The following DERA variants were observed in gnomAD, a reference collection of about 807,000 sequenced individuals.
DERA encodes 2-deoxy-D-ribose 5-phosphate aldolase.
In DERA, 15 loss-of-function variants were observed where a neutral mutation model predicts 41.1. That is an observed-to-expected ratio of 0.37 (90% CI 0.24 to 0.56). The LOEUF (loss-of-function observed/expected upper bound fraction) is 0.56, where lower values mean the gene tolerates loss of function less well. DERA is among the 20% of genes least tolerant of loss of function. DERA has a pLI of 0.81. For synonymous variants in DERA, 139 were observed against 137.4 expected (o/e 1.01, Z -0.08); for missense variants, 396 against 403.4 (o/e 0.98, Z 0.16).
Position 15,921,562 on chromosome 12 carries a change from T to C in DERA, c.31+10148T>C, listed in dbSNP as rs537439458. On this transcript the variant is annotated intron_variant, in intron 1 of 8. Coordinates refer to ENST00000428559, the MANE Select transcript of DERA (RefSeq NM_015954.4). This position sits in a 1 kb window ranked among gnomAD's most constrained non-coding sequence, Gnocchi z 5.3. ...GGTGAAGGAGCTCAAGATCTGTATA[T>C]TGTGGTATTTTGAGGGAGATTATTT... is the stretch of plus-strand genomic sequence containing the variant. Among the ~76,000 whole-genome samples, 11 of 152,280 alleles carry C rather than the reference T, an allele frequency of 7.2e-5. No homozygotes were observed. The East Asian group carries it at 2.1e-3, about 29-fold the overall frequency.
At position 15,982,308 on chromosome 12, in the gene DERA, C is replaced by G. The variant is rs1948737634; in HGVS notation, c.509C>G (p.Ala170Gly). The G allele has an allele frequency of 6.2e-7, 1 of 1,612,026 alleles. No homozygotes were observed. Among genetic ancestry groups the G allele is most frequent in the Middle Eastern group, 1.7e-4 (1 of 6,054 alleles). ...CTGCCTCAATTATTTTCTTCCCCAG[C>G]CCTGTATGATGAGATTCGTCAGTTT... is the stretch of plus-strand genomic sequence containing the variant. ...RSLVLTGQWE[A>G]LYDEIRQFRK... Residue 170 changes from alanine to glycine, a missense_variant and splice_region_variant, in exon 6 of 9, where the codon GCC becomes GGC. Transcript: ENST00000428559. This position sits in a 1 kb window ranked among gnomAD's most constrained non-coding sequence, Gnocchi z 4.0.
At chr12:15,949,874 G>T (rs1428456685) in intron 1 of DERA, among the ~76,000 whole-genome samples, 1 of 152,104 alleles carries the variant, frequency 6.6e-6, no homozygotes, top group Non-Finnish European at 1.5e-5. Flanking sequence ...AAAAATGCCG[G>T]TTGCCACTGA....
chr12:16,021,343 G>A lies in DERA; in HGVS notation c.638-11199G>A, dbSNP rs527873009. Among the ~76,000 whole-genome samples the A allele has an allele frequency of 2.8e-4, 43 of 152,342 alleles. No individual in the cohort carries two copies. Among genetic ancestry groups the A allele is most frequent in the South Asian group, 2.1e-3 (10 of 4,828 alleles). On this transcript the variant is annotated intron_variant, in intron 6 of 8. Coordinates refer to ENST00000428559, the MANE Select transcript of DERA (RefSeq NM_015954.4). The surrounding 1 kb of genome is among the most constrained non-coding windows in gnomAD (Gnocchi z 5.3). ...GCTGCTGCTGTGGAGAGTACAAGTT[G>A]TAAGCCTTGCTGGTTTCTATGTGAT... is the stretch of plus-strand genomic sequence containing the variant.
At position 15,996,238 on chromosome 12, in the gene DERA, A is replaced by G. The variant is rs181150610; in HGVS notation, c.637+13802A>G. Reference sequence around the variant, plus strand: ...TCCAGTATACACAGGGCCCCAAAATATAGAAAACATGGGAAAAGAGGAGTG... The same window carrying G: ...TCCAGTATACACAGGGCCCCAAAATGTAGAAAACATGGGAAAAGAGGAGTG... On this transcript the variant is annotated intron_variant, in intron 6 of 8. Coordinates refer to ENST00000428559, the MANE Select transcript of DERA (RefSeq NM_015954.4). This position sits in a 1 kb window ranked among gnomAD's most constrained non-coding sequence, Gnocchi z 4.7. 2.6e-5 allele frequency among the ~76,000 whole-genome samples: 4 copies of G among 152,044 alleles called. No individual in the cohort carries two copies. The East Asian group carries it at 5.8e-4, about 22-fold the overall frequency.
rs142144322 is a variant in DERA, at chr12:16,013,861, T to C, written c.638-18681T>C. On this transcript the variant is annotated intron_variant, in intron 6 of 8. Transcript: ENST00000428559. The surrounding 1 kb of genome is among the most constrained non-coding windows in gnomAD (Gnocchi z 5.8). ...AAGTCCAGGCTGAAGTGGTCTCAGG[T>C]GGAGATCAGGAACTTGTAGAGGACT... 2.6e-5 allele frequency among the ~76,000 whole-genome samples: 4 copies of C among 152,260 alleles called. No homozygotes were observed. Among genetic ancestry groups the C allele is most frequent in the African/African-American group, 9.6e-5 (4 of 41,548 alleles).
In DERA at chr12:16,009,042, A is replaced by G. The variant is rs1388419353; in HGVS notation, c.638-23500A>G. ...TCTTAATGTGTTCCTTAGTCTCTAT[A>G]AAGTCTTCTTTTCTTAATTGGTAAC... On this transcript the variant is annotated intron_variant, in intron 6 of 8. Coordinates refer to ENST00000428559, the MANE Select transcript of DERA (RefSeq NM_015954.4). The surrounding 1 kb of genome is among the most constrained non-coding windows in gnomAD (Gnocchi z 5.3). 6.6e-6 allele frequency among the ~76,000 whole-genome samples: 1 copy of G among 152,250 alleles called. No homozygotes were observed. The highest frequency in any genetic ancestry group is 1.5e-5 in the Non-Finnish European group (1 of 68,038).
At position 15,993,662 on chromosome 12, in the gene DERA, C is replaced by G. The variant is rs955868913; in HGVS notation, c.637+11226C>G. Among the ~76,000 whole-genome samples the G allele has an allele frequency of 1.3e-5, 2 of 152,134 alleles. No homozygotes were observed. Among genetic ancestry groups the G allele is most frequent in the Admixed American group, 6.5e-5 (1 of 15,276 alleles). On this transcript the variant is annotated intron_variant, in intron 6 of 8. Coordinates refer to ENST00000428559, the MANE Select transcript of DERA (RefSeq NM_015954.4). The surrounding 1 kb of genome is among the most constrained non-coding windows in gnomAD (Gnocchi z 4.4). ...TTATTTACAGTTCCTTAAACTAGCC[C>G]TGGAAATTAGACTACTTATAGGGTG...
intron 1 of DERA, among the ~76,000 whole-genome samples, chr12:15,914,251 G>C (rs1486206320): frequency 6.6e-6 from 1 of 152,110 alleles, no homozygotes; most frequent in Non-Finnish European, 1.5e-5. Context: ...GCATAGTGGC[G>C]CATGCCTGTA....
At chr12:15,927,246 C>T (rs1013256159) in intron 1 of DERA, among the ~76,000 whole-genome samples, 3 of 152,188 alleles carry the variant, frequency 2.0e-5, no homozygotes, top group African/African-American at 7.2e-5. Flanking sequence ...GCATTGTCTT[C>T]TACTCCTCCC....
chr12:15,955,539 G>A (rs1457964259), intron 1 of DERA, among the ~76,000 whole-genome samples: 1 of 152,148 alleles, frequency 6.6e-6, no homozygotes, highest in Non-Finnish European at 1.5e-5. Context: ...AGGAGCAGGA[G>A]CAGATGGATT....
rs1319706960 is a variant in DERA, at chr12:15,990,574, T to C, written c.637+8138T>C. ...AGATGTTAATCTGAGTATCCATTTG[T>C]CGTTTTTTCTGATCCTCTTCCTCCT... On this transcript the variant is annotated intron_variant, in intron 6 of 8. Coordinates refer to ENST00000428559, the MANE Select transcript of DERA (RefSeq NM_015954.4). This position sits in a 1 kb window ranked among gnomAD's most constrained non-coding sequence, Gnocchi z 4.3. 2.0e-5 allele frequency among the ~76,000 whole-genome samples: 3 copies of C among 152,200 alleles called. No individual in the cohort carries two copies. Among genetic ancestry groups the C allele is most frequent in the Non-Finnish European group, 4.4e-5 (3 of 68,024 alleles).
At chr12:15,960,278 C>T (rs1948575052) in intron 4 of DERA, among the ~76,000 whole-genome samples, 1 of 149,078 alleles carries the variant, frequency 6.7e-6, no homozygotes, top group African/African-American at 2.5e-5. Context: ...ATATATATAA[C>T]TATATACATA....
rs549015466 is a variant in DERA, at chr12:16,014,687, G to A, written c.638-17855G>A. Among the ~76,000 whole-genome samples, 33 of 152,316 alleles carry A rather than the reference G, an allele frequency of 2.2e-4. 1 individual carries two copies. The South Asian group carries it at 6.6e-3, about 31-fold the overall frequency. ...AGAGTCCCCACTGGGGCACTGCCTA[G>A]TGGAGCTGTGAGAAGAGGGCAACCG... On this transcript the variant is annotated intron_variant, in intron 6 of 8. Transcript: ENST00000428559. The surrounding 1 kb of genome is among the most constrained non-coding windows in gnomAD (Gnocchi z 5.4).
chr12:15,911,656 A>G lies in DERA; in HGVS notation c.31+242A>G. 1.4e-6 allele frequency: 1 copy of G among 693,198 alleles called. No individual in the cohort carries two copies. The highest frequency in any genetic ancestry group is 2.6e-6 in the Non-Finnish European group (1 of 379,668). The allele number at this position is 693,198 out of a possible 1,614,324, so 42.9% of individuals were successfully genotyped here. A position where few individuals can be genotyped will look rare whatever the true frequency, so the allele number is the denominator to read the frequency against. On this transcript the variant is annotated intron_variant, in intron 1 of 8. Coordinates refer to ENST00000428559, the MANE Select transcript of DERA (RefSeq NM_015954.4). The surrounding 1 kb of genome is among the most constrained non-coding windows in gnomAD (Gnocchi z 4.5). Reference sequence around the variant, plus strand: ...TATGCGGAAGGAGTAGGAAAGGGTTAGATTATTATCTTCCTGCCTTTTCGT... The same window carrying G: ...TATGCGGAAGGAGTAGGAAAGGGTTGGATTATTATCTTCCTGCCTTTTCGT...
At chr12:15,979,815 CT>C (rs1283719969) in intron 5 of DERA, among the ~76,000 whole-genome samples, 1 of 152,180 alleles carries the variant, frequency 6.6e-6, no homozygotes, top group African/African-American at 2.4e-5. Flanking sequence ...TAAAATACCT[CT>C]GGTTTTCGTG....
chr12:15,974,437 G>A (rs1451420267), intron 5 of DERA, among the ~76,000 whole-genome samples: 14 of 152,082 alleles, frequency 9.2e-5, no homozygotes, highest in Admixed American at 9.2e-4. Context: ...ATATACCTCA[G>A]TTTGGGTTTG....
chr12:16,024,209 C>T (rs557233929), intron 6 of DERA, among the ~76,000 whole-genome samples: 5 of 152,124 alleles, frequency 3.3e-5, no homozygotes, highest in African/African-American at 7.2e-5. Context: ...TACTAGAAGA[C>T]GAAAGAAAAT....
intron 1 of DERA, among the ~76,000 whole-genome samples, chr12:15,944,237 T>C (rs1439511356): frequency 6.6e-6 from 1 of 152,218 alleles, no homozygotes. Flanking sequence ...CCTTTGGGTA[T>C]ATATCCAGTA....
Position 15,957,964 on chromosome 12 carries a change from G to A in DERA, c.130-224G>A, listed in dbSNP as rs766567781. ...GGGATATCTGTGGGAGAAAAAAAAT[G>A]TTTAAGCCTACTCTTCCTCCCTTTT... On this transcript the variant is annotated intron_variant, in intron 2 of 8. Transcript: ENST00000428559. This position sits in a 1 kb window ranked among gnomAD's most constrained non-coding sequence, Gnocchi z 4.8. 6.6e-6 allele frequency among the ~76,000 whole-genome samples: 1 copy of A among 152,096 alleles called. No homozygotes were observed. The highest frequency in any genetic ancestry group is 2.4e-5 in the African/African-American group (1 of 41,422).
Sources: allele counts gnomAD v4.1 joint callset (sites outside exome capture counted in the v4.1 genomes callset), GRCh38; gene constraint gnomAD v4.1.1; non-coding constraint Gnocchi (gnomAD v3.1); transcripts MANE v1.5; gene names NCBI Gene and HGNC (gene_info 2026-07-23, HGNC 2026-07-21).